The following RAI14 variants were observed in gnomAD, a reference collection of about 807,000 sequenced individuals.
RAI14 encodes the protein retinoic acid induced 14.
RAI14 carries 45 observed loss-of-function variants against 115.4 expected under a neutral mutation model. The ratio of observed to expected loss-of-function variants is 0.39; its 90% confidence interval spans 0.31 to 0.50. The LOEUF (loss-of-function observed/expected upper bound fraction) is 0.50. Ranked by LOEUF, RAI14 falls within the 20% of genes least tolerant of loss-of-function variation. The pLI is 0.85. For synonymous variants in RAI14, 371 were observed against 415.4 expected, an observed-to-expected ratio of 0.89 and a Z score of 1.30; for missense variants, 939 against 1,131.2, an observed-to-expected ratio of 0.83 and a Z score of 2.44.
chr5:34,708,087 G>A (rs575223869), intron 2 of RAI14, among the ~76,000 whole-genome samples: 18 of 152,268 alleles, frequency 1.2e-4, no homozygotes, highest in African/African-American at 4.1e-4. Flanking sequence ...CAAGAAACTA[G>A]ATCGTATGAA....
At chr5:34,663,927 TA>T (rs1326558911) in intron 1 of RAI14, among the ~76,000 whole-genome samples, 1 of 152,364 alleles carries the variant, frequency 6.6e-6, no homozygotes, top group East Asian at 1.9e-4. Flanking sequence ...TCACCTCATC[TA>T]ACCTTACTTG....
intron 3 of RAI14, among the ~76,000 whole-genome samples, chr5:34,794,811 C>T (rs1472796908): frequency 6.6e-6 from 1 of 152,182 alleles, no homozygotes; most frequent in East Asian, 1.9e-4. Flanking sequence ...TGGAATCAGA[C>T]CAACTTGGGT....
intron 5 of RAI14, among the ~76,000 whole-genome samples, chr5:34,804,084 A>C (rs1754591391): frequency 6.6e-6 from 1 of 152,126 alleles, no homozygotes; most frequent in African/African-American, 2.4e-5. Context: ...AAATAGTGTA[A>C]GTTTTTAAAA....
At chr5:34,762,636 A>G (rs1355649894) in intron 3 of RAI14, among the ~76,000 whole-genome samples, 1 of 152,216 alleles carries the variant, frequency 6.6e-6, no homozygotes, top group Non-Finnish European at 1.5e-5. Flanking sequence ...GAGCAGAGCC[A>G]AGAGTTATAG....
intron 2 of RAI14, among the ~76,000 whole-genome samples, chr5:34,695,892 A>G (rs932929384): frequency 2.7e-5 from 4 of 148,142 alleles, no homozygotes; most frequent in African/African-American, 1.0e-4. Context: ...ATCATAGCTC[A>G]CTACAGCCTC....
intron 2 of RAI14, among the ~76,000 whole-genome samples, chr5:34,753,911 T>C (rs1449178944): frequency 1.0e-4 from 6 of 59,040 alleles, no homozygotes; most frequent in Non-Finnish European, 1.7e-4. Context: ...AGACTCTATC[T>C]CAAAAAAAAA....
intron 3 of RAI14, among the ~76,000 whole-genome samples, chr5:34,778,991 C>T (rs932064787): frequency 1.3e-5 from 2 of 151,910 alleles, no homozygotes; most frequent in East Asian, 1.9e-4. Flanking sequence ...ACTGGCAAAC[C>T]GAATACAGCA....
At chr5:34,785,134 G>A (rs765915566) in intron 3 of RAI14, among the ~76,000 whole-genome samples, 3 of 152,132 alleles carry the variant, frequency 2.0e-5, no homozygotes, top group Non-Finnish European at 2.9e-5. Flanking sequence ...GTTCATTAAC[G>A]AAGTCCTCTA....
intron 1 of RAI14, chr5:34,685,082 G>A (rs947376496): frequency 1.3e-5 from 2 of 151,924 alleles, no homozygotes; most frequent in African/African-American, 4.8e-5. Context: ...AATGAAAAAG[G>A]TAGAGTCTGT....
At chr5:34,804,475 C>T (rs562052373) in intron 5 of RAI14, among the ~76,000 whole-genome samples, 21 of 152,334 alleles carry the variant, frequency 1.4e-4, no homozygotes, top group South Asian at 8.3e-4. Context: ...CAATAAAATA[C>T]GTGTTTGCTT....
chr5:34,788,886 T>C (rs1412858123), intron 3 of RAI14, among the ~76,000 whole-genome samples: 1 of 152,168 alleles, frequency 6.6e-6, no homozygotes, highest in African/African-American at 2.4e-5. Context: ...CGAGAATCGC[T>C]TGAACTCAGG....
intron 4 of RAI14, among the ~76,000 whole-genome samples, chr5:34,802,735 T>C (rs1754423252): frequency 1.3e-5 from 2 of 152,106 alleles, no homozygotes; most frequent in Non-Finnish European, 2.9e-5. Context: ...AAGGGAGTGA[T>C]AGAAGCTGCT....
At chr5:34,826,516 G>T in intron 16 of RAI14, 37 bp downstream of exon 16, 1 of 1,599,532 alleles carries the variant, frequency 6.3e-7, no homozygotes, top group South Asian at 1.1e-5. Flanking sequence ...GTTTGGGGTG[G>T]AGGGCCTGGC....
At chr5:34,785,604 G>A (rs956899242) in intron 3 of RAI14, among the ~76,000 whole-genome samples, 2 of 152,300 alleles carry the variant, frequency 1.3e-5, no homozygotes, top group Admixed American at 6.5e-5. Flanking sequence ...TGGACGGCCA[G>A]TGCTGTAGAG....
At chr5:34,688,131 G>A in intron 2 of RAI14, 1 of 1,522,910 alleles carries the variant, frequency 6.6e-7, no homozygotes, top group Non-Finnish European at 8.8e-7. Flanking sequence ...CTAGCTGTTG[G>A]CCAGAGTGAA....
At chr5:34,787,229 A>G (rs939753469) in intron 3 of RAI14, among the ~76,000 whole-genome samples, 1 of 152,238 alleles carries the variant, frequency 6.6e-6, no homozygotes, top group African/African-American at 2.4e-5. Context: ...CCCAACAGCC[A>G]TATGACTCAG....
intron 2 of RAI14, among the ~76,000 whole-genome samples, chr5:34,737,688 G>T (rs1388224844): frequency 1.3e-5 from 2 of 152,168 alleles, no homozygotes; most frequent in Non-Finnish European, 2.9e-5. Flanking sequence ...GAGCCTAGGA[G>T]GTTGAAGCTG....
intron 3 of RAI14, among the ~76,000 whole-genome samples, chr5:34,780,530 AAAAC>A (rs1388392016): frequency 1.3e-5 from 2 of 152,234 alleles, no homozygotes; most frequent in African/African-American, 2.4e-5. Flanking sequence ...TTACAAGAAA[AAAAC>A]AAACAGCCCC....
intron 2 of RAI14, among the ~76,000 whole-genome samples, chr5:34,695,201 G>GC (rs1739076625): frequency 6.6e-6 from 1 of 152,124 alleles, no homozygotes; most frequent in Non-Finnish European, 1.5e-5. Context: ...TGCCTGGCCT[G>GC]TTCATTCTTT....
Sources: gnomAD v4.1 joint callset for allele counts (sites outside exome capture counted in the v4.1 genomes callset) on GRCh38, gnomAD v4.1.1 for gene constraint, MANE v1.5 for transcripts, NCBI Gene and HGNC (gene_info 2026-07-23, HGNC 2026-07-21) for gene names.